Variants in MAGI1 observed in about 807,000 individuals in gnomAD.
The protein encoded by MAGI1 is membrane-associated guanylate kinase, WW and PDZ domain-containing protein 1.
A neutral mutation model predicts 139.9 loss-of-function variants in MAGI1; 58 were observed. That is an observed-to-expected ratio of 0.41 (90% CI 0.34 to 0.52). The LOEUF (loss-of-function observed/expected upper bound fraction) is 0.52. Ranked by LOEUF, MAGI1 falls within the 20% of genes least tolerant of loss-of-function variation. MAGI1 has a pLI of 0.12. For missense variants in MAGI1, 1,874 were observed against 1,901.6 expected (o/e 0.99, Z 0.27); for synonymous variants, 812 against 737.9 (o/e 1.10, Z -1.63).
intron 1 of MAGI1, among the ~76,000 whole-genome samples, chr3:65,837,854 C>A (rs999472745): frequency 2.0e-5 from 3 of 152,122 alleles, no homozygotes; most frequent in African/African-American, 4.8e-5. Context: ...AGGTCTAATA[C>A]AGGGTTTCTC....
At chr3:65,600,127 A>G (rs771348390) in intron 2 of MAGI1, among the ~76,000 whole-genome samples, 4 of 152,260 alleles carry the variant, frequency 2.6e-5, no homozygotes, top group Non-Finnish European at 4.4e-5. Context: ...AATGCTGAAA[A>G]ATGGAATTTG....
intron 2 of MAGI1, among the ~76,000 whole-genome samples, chr3:65,606,372 GCT>G (rs1225007770): frequency 1.3e-5 from 2 of 151,930 alleles, no homozygotes; most frequent in African/African-American, 4.8e-5. Flanking sequence ...ACAGGATCTT[GCT>G]CTGTCACCCA....
At chr3:65,619,670 T>A (rs2083564076) in intron 2 of MAGI1, among the ~76,000 whole-genome samples, 2 of 152,092 alleles carry the variant, frequency 1.3e-5, no homozygotes, top group Admixed American at 1.3e-4. Context: ...GCTTTCTCAG[T>A]CACATGGGCC....
At chr3:65,401,664 A>G in intron 12 of MAGI1, 194 bp from the exon 13 acceptor site, 4 of 1,545,056 alleles carry the variant, frequency 2.6e-6, no homozygotes, top group Non-Finnish European at 3.5e-6. Flanking sequence ...GGAGAGCGAG[A>G]GGCAGGAGAT....
rs960651622 is a variant in MAGI1, at chr3:65,698,828, T to C, written c.314-76740A>G. On this transcript the variant is annotated intron_variant, in intron 1 of 22. Coordinates refer to ENST00000402939, the MANE Select transcript of MAGI1 (RefSeq NM_001033057.2). The stretch of plus-strand genomic sequence containing the variant: ...GACATAGGCGTGGGCAAGGACTTCA[T>C]GTCCAAAACACCAAAAGCAATGGCA... Among the ~76,000 whole-genome samples, 27 of 141,558 alleles carry C rather than the reference T, an allele frequency of 1.9e-4. No homozygotes were observed. The South Asian group carries it at 2.4e-3, about 13-fold the overall frequency. The allele number at this position is 141,558 out of a possible 152,430, so 92.9% of individuals were successfully genotyped here.
chr3:65,444,878 C>T (rs190924929), intron 7 of MAGI1, among the ~76,000 whole-genome samples: 16 of 152,284 alleles, frequency 1.1e-4, no homozygotes, highest in Non-Finnish European at 4.4e-5. Flanking sequence ...TAGTTTCTCA[C>T]TTCCAATGTG....
chr3:65,412,826 C>T (rs564289310), intron 12 of MAGI1, among the ~76,000 whole-genome samples: 1 of 152,120 alleles, frequency 6.6e-6, no homozygotes, highest in African/African-American at 2.4e-5. Context: ...TTCCGCTGTG[C>T]CACCTGGTGT....
chr3:65,828,604 T>A (rs2042356303), intron 1 of MAGI1, among the ~76,000 whole-genome samples: 1 of 152,142 alleles, frequency 6.6e-6, no homozygotes, highest in Non-Finnish European at 1.5e-5. Flanking sequence ...CAGTTTCAAG[T>A]TTTAAAGTCA....
intron 4 of MAGI1, among the ~76,000 whole-genome samples, chr3:65,473,619 G>A (rs1358923287): frequency 1.5e-5 from 2 of 133,164 alleles, no homozygotes; most frequent in East Asian, 2.3e-4. Flanking sequence ...TCAATTTAAC[G>A]CTGAGTGTCT....
intron 5 of MAGI1, among the ~76,000 whole-genome samples, chr3:65,466,993 G>A (rs926590103): frequency 1.3e-5 from 2 of 152,176 alleles, no homozygotes; most frequent in African/African-American, 2.4e-5. Context: ...GAGAGAGCAC[G>A]CTTTTATCAG....
Position 65,908,030 on chromosome 3 carries a change from G to A in MAGI1, c.313+129966C>T, listed in dbSNP as rs376528700. Among the ~76,000 whole-genome samples the A allele has an allele frequency of 2.6e-5, 4 of 151,890 alleles. No individual in the cohort carries two copies. The East Asian group carries it at 5.8e-4, about 22-fold the overall frequency. On this transcript the variant is annotated intron_variant, in intron 1 of 22. Transcript: ENST00000402939. ...TTCATGGAGCATGCAAATACCACAC[G>A]AACACAACTAAAAAAGAATCAAAGT...
Position 65,455,095 on chromosome 3 carries a change from T to C in MAGI1, c.960-1755A>G, listed in dbSNP as rs1007546733. Among the ~76,000 whole-genome samples, 8 of 152,152 alleles carry C rather than the reference T, an allele frequency of 5.3e-5. No homozygotes were observed. In the South Asian group the frequency reaches 6.2e-4, roughly 12 times the overall value. ...GGATCATTGTTAGGAGAGGAGATTA[T>C]GCAGGATTAAGAAAAAAACTGTGTT... On this transcript the variant is annotated intron_variant, in intron 5 of 22. Transcript: ENST00000402939.
chr3:65,936,966 G>GTGGTGATGGTGGTGGTGA (rs2063092016), intron 1 of MAGI1, among the ~76,000 whole-genome samples: 1 of 150,458 alleles, frequency 6.6e-6, no homozygotes, highest in Non-Finnish European at 1.5e-5. Context: ...GGTGGTGGTG[G>GTGGTGATGGTGGTGGTGA]TGGTGATGGT....
At chr3:65,859,457 G>A (rs34120318) in intron 1 of MAGI1, among the ~76,000 whole-genome samples, 15,095 of 152,136 alleles carry the variant, frequency 0.099, 1,328 homozygotes, top group East Asian at 0.3. Flanking sequence ...GGCTGGGCAT[G>A]GTGGCTCATG....
At chr3:65,630,161 T>G (rs181723952) in intron 1 of MAGI1, among the ~76,000 whole-genome samples, 4 of 152,286 alleles carry the variant, frequency 2.6e-5, no homozygotes, top group Admixed American at 1.3e-4. Context: ...TAATTCAACA[T>G]GTATTTATTA....
At chr3:65,669,182 C>T (rs1252961437) in intron 1 of MAGI1, among the ~76,000 whole-genome samples, 2 of 152,128 alleles carry the variant, frequency 1.3e-5, no homozygotes, top group African/African-American at 4.8e-5. Flanking sequence ...TGAGCCATTG[C>T]ACCCAGCCTT....
Position 65,759,524 on chromosome 3 carries a change from C to T in MAGI1, c.314-137436G>A, listed in dbSNP as rs2036841252. ...GCAACCAAAAGGTTGGGATAGAAAA[C>T]CCAACATACAAAAAAAGCATCTACT... is the stretch of plus-strand genomic sequence containing the variant. On this transcript the variant is annotated intron_variant, in intron 1 of 22. Transcript: ENST00000402939. Among the ~76,000 whole-genome samples the T allele has an allele frequency of 2.0e-5, 3 of 152,110 alleles. No homozygotes were observed. In the South Asian group the frequency reaches 6.2e-4, roughly 32 times the overall value.
intron 1 of MAGI1, among the ~76,000 whole-genome samples, chr3:65,749,893 A>G (rs2036005439): frequency 1.3e-5 from 2 of 152,270 alleles, no homozygotes; most frequent in South Asian, 4.1e-4. Flanking sequence ...TTCCCAAGCA[A>G]GATCCAGATG....
intron 5 of MAGI1, among the ~76,000 whole-genome samples, chr3:65,454,561 A>ATAAT (rs1389883565): frequency 9.3e-6 from 1 of 108,010 alleles, no homozygotes; most frequent in Non-Finnish European, 2.0e-5. Flanking sequence ...ATAATAAAAA[A>ATAAT]ATACTTGTTT....
Sources: allele counts gnomAD v4.1 joint callset (sites outside exome capture counted in the v4.1 genomes callset), GRCh38; gene constraint gnomAD v4.1.1; transcripts MANE v1.5; gene names NCBI Gene and HGNC (gene_info 2026-07-23, HGNC 2026-07-21).